STAU2: variants seen among roughly 807,000 people sequenced by gnomAD.
STAU2 encodes the protein staufen double-stranded RNA binding protein 2, also known as double-stranded RNA-binding protein Staufen homolog 2.
STAU2 carries 20 observed loss-of-function variants against 65.9 expected under a neutral mutation model. The ratio of observed to expected loss-of-function variants is 0.30; its 90% CI spans 0.21 to 0.44. STAU2 has a LOEUF of 0.44. STAU2 is among the 20% of genes least tolerant of loss of function. The probability of loss-of-function intolerance (pLI) is 1.00; values close to 1 mark genes in which losing one functional copy is unlikely to be tolerated. For synonymous variants in STAU2, 232 were observed against 233.9 expected, an observed-to-expected ratio of 0.99 and a Z score of 0.07; for missense variants, 558 against 683.9, an observed-to-expected ratio of 0.82 and a Z score of 2.05.
intron 13 of STAU2, among the ~76,000 whole-genome samples, chr8:73,473,420 A>C (rs1185681082): frequency 6.6e-6 from 1 of 152,204 alleles, no homozygotes; most frequent in African/African-American, 2.4e-5. Context: ...TACGGTTTTG[A>C]AAAAGAATCA....
chr8:73,688,019 T>C (rs777727748), intron 5 of STAU2, among the ~76,000 whole-genome samples: 2 of 149,334 alleles, frequency 1.3e-5, no homozygotes, highest in Non-Finnish European at 3.0e-5. Context: ...CGGCCTACTA[T>C]CTTTACTTTA....
chr8:73,626,884 G>A lies in STAU2; in HGVS notation c.411-9433C>T, dbSNP rs544769435. ...CGCTGAATCTGGCAGGTGAGGAAAG[G>A]GTGCACCCAGCCTGGAGGTTCTGCT... On this transcript the variant is annotated intron_variant, in intron 6 of 14. Coordinates refer to ENST00000524300, the MANE Select transcript of STAU2 (RefSeq NM_001164380.2). Among the ~76,000 whole-genome samples the A allele has an allele frequency of 2.0e-4, 30 of 152,092 alleles. 1 individual carries two copies. The South Asian group carries it at 6.0e-3, about 31-fold the overall frequency.
At chr8:73,429,413 C>CATT (rs1817086101) in intron 13 of STAU2, among the ~76,000 whole-genome samples, 1 of 65,312 alleles carries the variant, frequency 1.5e-5, no homozygotes, top group Non-Finnish European at 3.5e-5. Context: ...TTGCTCAGGT[C>CATT]TTTTTTTTTT....
intron 13 of STAU2, among the ~76,000 whole-genome samples, chr8:73,463,079 G>A (rs567778292): frequency 5.3e-5 from 8 of 152,292 alleles, no homozygotes; most frequent in African/African-American, 1.9e-4. Context: ...GCAGAATCTG[G>A]TAGACTTGGG....
At chr8:73,592,303 GA>G (rs1335652102) in intron 11 of STAU2, among the ~76,000 whole-genome samples, 2 of 151,882 alleles carry the variant, frequency 1.3e-5, no homozygotes, top group Admixed American at 1.3e-4. Context: ...ACTACTAAAA[GA>G]GTAAAGAAAT....
At chr8:73,711,663 G>A (rs555395803) in intron 3 of STAU2, among the ~76,000 whole-genome samples, 9 of 152,146 alleles carry the variant, frequency 5.9e-5, no homozygotes, top group East Asian at 1.9e-4. Flanking sequence ...TAATGAACCC[G>A]TTTGGTATGA....
intron 13 of STAU2, among the ~76,000 whole-genome samples, chr8:73,434,004 G>A (rs1036347141): frequency 6.6e-6 from 1 of 151,818 alleles, no homozygotes; most frequent in Non-Finnish European, 1.5e-5. Flanking sequence ...TGGCAAAAGG[G>A]ACTCTGTGCA....
chr8:73,553,530 C>T (rs1807490498), intron 12 of STAU2, among the ~76,000 whole-genome samples: 1 of 152,076 alleles, frequency 6.6e-6, no homozygotes, highest in Admixed American at 6.6e-5. Context: ...ACTCAAAGAA[C>T]AAAAATCTAT....
chr8:73,579,012 A>T (rs1242462152), intron 12 of STAU2, among the ~76,000 whole-genome samples: 8 of 141,388 alleles, frequency 5.7e-5, no homozygotes, highest in Non-Finnish European at 1.2e-4. Context: ...CCAAAAAAAC[A>T]CTAGAGGTTC....
At chr8:73,716,385 C>T (rs1230417074) in intron 3 of STAU2, among the ~76,000 whole-genome samples, 3 of 152,132 alleles carry the variant, frequency 2.0e-5, no homozygotes, top group Admixed American at 6.5e-5. Context: ...CCACTGCGCC[C>T]GGCCAGAGTA....
At chr8:73,716,605 G>A (rs1029257919) in intron 3 of STAU2, among the ~76,000 whole-genome samples, 2 of 152,172 alleles carry the variant, frequency 1.3e-5, no homozygotes, top group Non-Finnish European at 2.9e-5. Flanking sequence ...CTAAATATGT[G>A]TATAATGATA....
intron 9 of STAU2, among the ~76,000 whole-genome samples, chr8:73,607,109 A>C (rs559141162): frequency 6.6e-6 from 1 of 152,344 alleles, no homozygotes; most frequent in East Asian, 1.9e-4. Context: ...AAAACATATC[A>C]AACAGTGCAC....
In STAU2 at chr8:73,595,307, T is replaced by C. The variant is rs920650451; in HGVS notation, c.1030-10A>G. The C allele has an allele frequency of 1.3e-6, 2 of 1,571,088 alleles. No individual in the cohort carries two copies. The highest frequency in any genetic ancestry group is 1.7e-6 in the Non-Finnish European group (2 of 1,165,918). On this transcript the variant is annotated splice_polypyrimidine_tract_variant and intron_variant, in intron 10 of 14. Transcript: ENST00000524300. ...CATTGCCTACCTTCACCTGATAAGA[T>C]TAAAGAAATAAATTAAAGAAATACA...
intron 3 of STAU2, among the ~76,000 whole-genome samples, chr8:73,715,164 T>C (rs1159224555): frequency 1.4e-5 from 2 of 146,550 alleles, no homozygotes; most frequent in Non-Finnish European, 1.5e-5. Context: ...TTAAAGCCAA[T>C]AGGAAAAAAG....
At chr8:73,509,604 T>A (rs1345454833) in intron 13 of STAU2, among the ~76,000 whole-genome samples, 1 of 152,148 alleles carries the variant, frequency 6.6e-6, no homozygotes, top group Non-Finnish European at 1.5e-5. Context: ...ACTATGCATT[T>A]GCCAAAATTC....
At chr8:73,550,504 C>T in intron 13 of STAU2, 1 of 986,416 alleles carries the variant, frequency 1.0e-6, no homozygotes, top group Non-Finnish European at 1.2e-6. Context: ...CAGTGTTACT[C>T]TCAGACATTT....
At chr8:73,695,052 T>C (rs1452331882) in intron 4 of STAU2, among the ~76,000 whole-genome samples, 1 of 152,158 alleles carries the variant, frequency 6.6e-6, no homozygotes, top group Non-Finnish European at 1.5e-5. Context: ...CTGTGCTTCC[T>C]AGGCAACTCC....
At chr8:73,721,995 T>G (rs1292619332) in intron 3 of STAU2, among the ~76,000 whole-genome samples, 1 of 152,208 alleles carries the variant, frequency 6.6e-6, no homozygotes, top group East Asian at 1.9e-4. Context: ...TTTGGACTTC[T>G]GTTGAATTAT....
At chr8:73,613,539 A>G (rs1180955661) in intron 9 of STAU2, among the ~76,000 whole-genome samples, 1 of 152,206 alleles carries the variant, frequency 6.6e-6, no homozygotes, top group African/African-American at 2.4e-5. Flanking sequence ...AGGTATTATG[A>G]TTATTTGATG....
Sources: gnomAD v4.1 joint callset for allele counts (sites outside exome capture counted in the v4.1 genomes callset) on GRCh38, gnomAD v4.1.1 for gene constraint, MANE v1.5 for transcripts, NCBI Gene and HGNC (gene_info 2026-07-23, HGNC 2026-07-21) for gene names.